The following CCDC30 variants were observed in gnomAD, a reference collection of about 807,000 sequenced individuals.
CCDC30 encodes the protein coiled-coil domain-containing protein 30.
In CCDC30, 70 loss-of-function variants were observed where a neutral mutation model predicts 100.2. The ratio of observed to expected loss-of-function variants is 0.70; its 90% CI spans 0.58 to 0.85. CCDC30 has a LOEUF of 0.85. CCDC30 is among the 40% of genes least tolerant of loss of function. The pLI is 0.00. For synonymous variants in CCDC30, 233 were observed against 269.5 expected (o/e 0.86, Z 1.33); for missense variants, 652 against 771.2 (o/e 0.85, Z 1.83).
intron 12 of CCDC30, among the ~76,000 whole-genome samples, chr1:42,641,215 T>TTG (rs71065188): frequency 0.18 from 23,867 of 132,112 alleles, 2,052 homozygotes; most frequent in African/African-American, 0.2. Context: ...CACATGGCTT[T>TTG]TGTGTGTGTG....
At chr1:42,522,584 C>CTTTAGGTTAACTT (rs1239843072) in intron 6 of CCDC30, among the ~76,000 whole-genome samples, 7 of 152,142 alleles carry the variant, frequency 4.6e-5, no homozygotes, top group Non-Finnish European at 4.4e-5. Context: ...AATTGAATTT[C>CTTTAGGTTAACTT]TTTAGGTTAA....
chr1:42,476,612 C>T (rs1002710562), intron 1 of CCDC30, among the ~76,000 whole-genome samples: 2 of 151,722 alleles, frequency 1.3e-5, no homozygotes, highest in Non-Finnish European at 2.9e-5. Flanking sequence ...ATTGCTTGAA[C>T]CTGGGAGGCA....
intron 1 of CCDC30, among the ~76,000 whole-genome samples, chr1:42,474,783 G>C (rs534992290): frequency 6.6e-6 from 1 of 152,196 alleles, no homozygotes; most frequent in Non-Finnish European, 1.5e-5. Flanking sequence ...AGTCCCATGT[G>C]GTTGTGGAGA....
At chr1:42,626,283 T>C (rs1026455061) in intron 11 of CCDC30, among the ~76,000 whole-genome samples, 2 of 152,160 alleles carry the variant, frequency 1.3e-5, no homozygotes, top group African/African-American at 2.4e-5. Context: ...AAATAGATCA[T>C]TGAGTCTTGC....
chr1:42,537,969 C>CAAAA, intron 6 of CCDC30: 1 of 123,166 alleles, frequency 8.1e-6, no homozygotes, highest in Non-Finnish European at 1.7e-5. Flanking sequence ...AACTCCATCT[C>CAAAA]AAAAAAAAAA....
At chr1:42,609,257 T>G (rs1346703060) in intron 10 of CCDC30, among the ~76,000 whole-genome samples, 1 of 152,196 alleles carries the variant, frequency 6.6e-6, no homozygotes, top group Non-Finnish European at 1.5e-5. Flanking sequence ...ACTTAATGAA[T>G]AGTAAATATA....
intron 10 of CCDC30, among the ~76,000 whole-genome samples, chr1:42,602,216 A>G (rs1360018105): frequency 3.6e-5 from 5 of 139,246 alleles, no homozygotes; most frequent in African/African-American, 1.3e-4. Context: ...AAGTAAGCTG[A>G]AAAAAAAAGA....
Position 42,487,158 on chromosome 1 carries a change from G to A in CCDC30, c.170-3000G>A, listed in dbSNP as rs550468477. On this transcript the variant is annotated intron_variant, in intron 3 of 16. Transcript: ENST00000668663. ...AGGAAAGTAGATTAGTGGTTGTCTA[G>A]GGCTAGGTATGAAAATTGGGATTGA... Among the ~76,000 whole-genome samples, 8 of 151,184 alleles carry A rather than the reference G, an allele frequency of 5.3e-5. No individual in the cohort carries two copies. The South Asian group carries it at 1.5e-3, about 28-fold the overall frequency.
chr1:42,496,122 AGTGTGT>A (rs56267063), intron 4 of CCDC30, among the ~76,000 whole-genome samples: 8,026 of 146,726 alleles, frequency 0.055, 196 homozygotes, highest in South Asian at 0.071. Context: ...TTATTTGTGG[AGTGTGT>A]GTGTGTGTGT....
At chr1:42,549,361 A>G (rs1291319942) in intron 6 of CCDC30, among the ~76,000 whole-genome samples, 3 of 152,298 alleles carry the variant, frequency 2.0e-5, no homozygotes, top group African/African-American at 4.8e-5. Flanking sequence ...TTCATTCACA[A>G]TCACATACAC....
chr1:42,616,018 C>A (rs900886212), intron 11 of CCDC30, among the ~76,000 whole-genome samples: 1 of 151,984 alleles, frequency 6.6e-6, no homozygotes, highest in Non-Finnish European at 1.5e-5. Context: ...TGGGTTCAAG[C>A]GATTCTCCTG....
intron 3 of CCDC30, among the ~76,000 whole-genome samples, chr1:42,483,589 C>G (rs1644000292): frequency 6.6e-6 from 1 of 152,300 alleles, no homozygotes; most frequent in Admixed American, 6.5e-5. Flanking sequence ...GTGGCTTTAA[C>G]TGGTATTCCC....
chr1:42,567,622 A>G (rs1471771024), intron 7 of CCDC30, among the ~76,000 whole-genome samples: 1 of 152,190 alleles, frequency 6.6e-6, no homozygotes, highest in Non-Finnish European at 1.5e-5. Flanking sequence ...AAGACTGATC[A>G]TATTCCTTCA....
intron 1 of CCDC30, among the ~76,000 whole-genome samples, chr1:42,469,103 A>G (rs1393520987): frequency 2.0e-5 from 3 of 152,142 alleles, no homozygotes; most frequent in South Asian, 2.1e-4. Flanking sequence ...ACAGGGCCAG[A>G]CACAGTGGCT....
At chr1:42,576,941 C>A in intron 7 of CCDC30, 79 bp from the exon 12 acceptor site, 1 of 1,059,192 alleles carries the variant, frequency 9.4e-7, no homozygotes, top group Non-Finnish European at 1.4e-6. Flanking sequence ...GGGGACTATA[C>A]TCCTTTGAAA....
At chr1:42,471,203 G>A (rs764946849) in intron 1 of CCDC30, among the ~76,000 whole-genome samples, 6 of 152,026 alleles carry the variant, frequency 3.9e-5, no homozygotes, top group East Asian at 3.9e-4. Context: ...AGCCTGTACC[G>A]TCCTACTGAT....
chr1:42,573,708 C>A (rs1330412485), intron 7 of CCDC30, among the ~76,000 whole-genome samples: 1 of 151,584 alleles, frequency 6.6e-6, no homozygotes, highest in African/African-American at 2.4e-5. Context: ...GTTTTTATAG[C>A]TTTTTAAAAA....
intron 6 of CCDC30, among the ~76,000 whole-genome samples, chr1:42,565,347 A>G (rs1245945081): frequency 6.6e-6 from 1 of 152,226 alleles, no homozygotes; most frequent in Admixed American, 6.5e-5. Flanking sequence ...ATAGCAAGAA[A>G]ACAAATAATC....
At chr1:42,579,752 T>G (rs1645923182) in intron 8 of CCDC30, among the ~76,000 whole-genome samples, 1 of 151,986 alleles carries the variant, frequency 6.6e-6, no homozygotes, top group African/African-American at 2.4e-5. Context: ...ATCCCAGCAC[T>G]TTGGGAGGAT....
Sources: allele counts gnomAD v4.1 joint callset (sites outside exome capture counted in the v4.1 genomes callset), GRCh38; gene constraint gnomAD v4.1.1; transcripts MANE v1.5; gene names NCBI Gene and HGNC (gene_info 2026-07-23, HGNC 2026-07-21).